The following DPP6 variants were observed in gnomAD, a reference collection of about 807,000 sequenced individuals.
DPP6 encodes the protein dipeptidyl peptidase like 6.
In DPP6, 69 loss-of-function variants were observed where a neutral mutation model predicts 122.6. That is an observed-to-expected ratio of 0.56 (90% confidence interval 0.46 to 0.69). The LOEUF (loss-of-function observed/expected upper bound fraction) is 0.69. DPP6 is among the 30% of genes least tolerant of loss of function. DPP6 has a pLI of 0.00. For synonymous variants in DPP6, 418 were observed against 433.1 expected (o/e 0.97, Z 0.43); for missense variants, 928 against 1,116.9 (o/e 0.83, Z 2.41).
At chr7:154,854,693 C>T (rs1052989493) in intron 17 of DPP6, among the ~76,000 whole-genome samples, 1 of 152,142 alleles carries the variant, frequency 6.6e-6, no homozygotes, top group African/African-American at 2.4e-5. Flanking sequence ...AAAGACTTCC[C>T]AGGGTCACTA....
chr7:154,708,222 C>G (rs955208279), intron 7 of DPP6, among the ~76,000 whole-genome samples: 13 of 152,298 alleles, frequency 8.5e-5, no homozygotes, highest in African/African-American at 3.1e-4. Flanking sequence ...AACCTTTTAG[C>G]TCAAAGGTAA....
At chr7:154,252,402 G>A (rs1802409330) in intron 1 of DPP6, among the ~76,000 whole-genome samples, 1 of 152,234 alleles carries the variant, frequency 6.6e-6, no homozygotes, top group African/African-American at 2.4e-5. Context: ...CACTCACCTT[G>A]TTTAGAACTG....
At chr7:154,149,967 A>G (rs1345187642) in intron 1 of DPP6, among the ~76,000 whole-genome samples, 2 of 151,774 alleles carry the variant, frequency 1.3e-5, no homozygotes, top group Non-Finnish European at 2.9e-5. Flanking sequence ...TTTTTTTCTC[A>G]TTGTTACAAT....
At chr7:153,868,002 G>T in the DPP6 span, among the ~76,000 whole-genome samples, 2 of 152,020 alleles carry the variant, frequency 1.3e-5, no homozygotes, top group Non-Finnish European at 2.9e-5. Flanking sequence ...GGATGAAGCC[G>T]ACTTGATCAT....
chr7:154,199,896 C>T (rs1475166794), intron 1 of DPP6, among the ~76,000 whole-genome samples: 1 of 152,180 alleles, frequency 6.6e-6, no homozygotes, highest in Admixed American at 6.5e-5. Flanking sequence ...GCGTGAGCCA[C>T]CATGCCCTGC....
intron 6 of DPP6, among the ~76,000 whole-genome samples, chr7:154,646,358 G>C (rs373126156): frequency 6.6e-6 from 1 of 151,960 alleles, no homozygotes; most frequent in Non-Finnish European, 1.5e-5. Flanking sequence ...TCCCAAACCC[G>C]GAATGTGTTT....
Position 154,353,457 on chromosome 7 carries a change from T to C in DPP6, c.244-92757T>C, listed in dbSNP as rs550998660. Reference sequence around the variant, plus strand: ...GTGCACGCTGAGTTCATCCCCAGCATAAAGGAACCAGCCCGTTATTCTAAT... The same window carrying C: ...GTGCACGCTGAGTTCATCCCCAGCACAAAGGAACCAGCCCGTTATTCTAAT... On this transcript the variant is annotated intron_variant, in intron 1 of 25. Transcript: ENST00000377770. Among the ~76,000 whole-genome samples, 10 of 152,226 alleles carry C rather than the reference T, an allele frequency of 6.6e-5. 1 individual carries two copies. In the South Asian group the frequency reaches 2.1e-3, roughly 32 times the overall value.
the DPP6 span, among the ~76,000 whole-genome samples, chr7:153,837,829 C>T: frequency 9.5e-4 from 108 of 113,788 alleles, no homozygotes; most frequent in African/African-American, 3.4e-3. Context: ...TGCCACCATG[C>T]CTGGTTAATT....
intron 5 of DPP6, among the ~76,000 whole-genome samples, chr7:154,595,394 G>T (rs926880978): frequency 1.3e-5 from 2 of 152,162 alleles, no homozygotes; most frequent in African/African-American, 4.8e-5. Flanking sequence ...CCTTGAGAAG[G>T]TTATGAACTC....
the DPP6 span, among the ~76,000 whole-genome samples, chr7:153,874,241 C>T: frequency 1.6e-4 from 22 of 136,024 alleles, no homozygotes; most frequent in South Asian, 5.1e-4. Context: ...CATAAGCGCG[C>T]GTGCGCACAT....
chr7:154,831,191 C>G (rs1157277152), intron 16 of DPP6, among the ~76,000 whole-genome samples: 1 of 152,224 alleles, frequency 6.6e-6, no homozygotes, highest in Non-Finnish European at 1.5e-5. Flanking sequence ...AATCCACGAC[C>G]AGTCGTCCAC....
chr7:154,448,850 AC>A (rs745551046), intron 2 of DPP6, among the ~76,000 whole-genome samples: 27 of 152,236 alleles, frequency 1.8e-4, no homozygotes, highest in Non-Finnish European at 3.8e-4. Context: ...TGGTGGTGGT[AC>A]AACTAGATAT....
chr7:154,134,048 C>G (rs1225436859), intron 1 of DPP6, among the ~76,000 whole-genome samples: 3 of 151,918 alleles, frequency 2.0e-5, no homozygotes, highest in Non-Finnish European at 1.5e-5. Context: ...TGGTTTTCCA[C>G]TGTGCACAGG....
the DPP6 span, among the ~76,000 whole-genome samples, chr7:153,823,677 T>C: frequency 1.9e-4 from 29 of 151,564 alleles, no homozygotes; most frequent in Non-Finnish European, 2.9e-4. Flanking sequence ...TGAGGGGTTG[T>C]CTGGGAGAGC....
At chr7:154,153,439 G>A (rs1322088387) in intron 1 of DPP6, among the ~76,000 whole-genome samples, 2 of 152,126 alleles carry the variant, frequency 1.3e-5, no homozygotes. Flanking sequence ...TGCCCACCTC[G>A]GCCTCCCAAT....
At chr7:154,684,053 G>T (rs1472165780) in intron 7 of DPP6, among the ~76,000 whole-genome samples, 1 of 152,012 alleles carries the variant, frequency 6.6e-6, no homozygotes, top group African/African-American at 2.4e-5. Context: ...ATTTTTTGTA[G>T]AGATGGGGGT....
the DPP6 span, among the ~76,000 whole-genome samples, chr7:153,776,736 A>C: frequency 3.0e-3 from 459 of 152,324 alleles, no homozygotes; most frequent in African/African-American, 0.011. Flanking sequence ...CGGGACATGC[A>C]TATGAAAAAT....
chr7:154,091,743 G>A (rs1242811522), intron 1 of DPP6, among the ~76,000 whole-genome samples: 3 of 152,052 alleles, frequency 2.0e-5, no homozygotes, highest in South Asian at 2.1e-4. Flanking sequence ...GAGATAGGGC[G>A]GTGTCACTGC....
At chr7:154,485,465 C>T (rs569994508) in intron 3 of DPP6, among the ~76,000 whole-genome samples, 2 of 152,278 alleles carry the variant, frequency 1.3e-5, no homozygotes, top group African/African-American at 2.4e-5. Context: ...TGACTATTTT[C>T]GTGCAGTAAA....
Sources: allele counts gnomAD v4.1 joint callset (sites outside exome capture counted in the v4.1 genomes callset), GRCh38; gene constraint gnomAD v4.1.1; transcripts MANE v1.5; gene names NCBI Gene and HGNC (gene_info 2026-07-23, HGNC 2026-07-21).